Variants in VRK2 observed in about 807,000 individuals in gnomAD.
The protein encoded by VRK2 is serine/threonine-protein kinase VRK2.
Under a neutral mutation model 57.6 loss-of-function variants are expected in VRK2, and 60 were observed. The ratio of observed to expected loss-of-function variants is 1.04; its 90% CI spans 0.85 to 1.29. The LOEUF is 1.29. Ranked by LOEUF, VRK2 falls within the 50% of genes most tolerant of loss-of-function variation. The pLI is 0.00. For synonymous variants in VRK2, 231 were observed against 199.2 expected (o/e 1.16, Z -1.35); for missense variants, 705 against 588.1 (o/e 1.20, Z -2.06).
chr2:58,011,395 C>T (rs60712586), intron 1 of VRK2, among the ~76,000 whole-genome samples: 3,909 of 152,266 alleles, frequency 0.026, 162 homozygotes, highest in African/African-American at 0.089. Context: ...AGTTCTGCCT[C>T]CATTTATGGT....
At chr2:58,012,621 C>T (rs1004812475) in intron 1 of VRK2, among the ~76,000 whole-genome samples, 2 of 152,226 alleles carry the variant, frequency 1.3e-5, no homozygotes, top group South Asian at 4.1e-4. Context: ...GCTTATTCTT[C>T]CCTTGAAACC....
chr2:58,082,440 G>C (rs905768747), intron 2 of VRK2, among the ~76,000 whole-genome samples: 1 of 151,810 alleles, frequency 6.6e-6, no homozygotes, highest in East Asian at 1.9e-4. Flanking sequence ...ATCTACCTCA[G>C]GTAGCAAAGA....
intron 12 of VRK2, among the ~76,000 whole-genome samples, chr2:58,158,751 G>C (rs1186738947): frequency 2.0e-5 from 3 of 152,100 alleles, no homozygotes; most frequent in Non-Finnish European, 4.4e-5. Flanking sequence ...ACTTGCATAA[G>C]TAACCAGTTA....
At chr2:57,994,863 A>G (rs1040620006) in intron 1 of VRK2, among the ~76,000 whole-genome samples, 5 of 152,192 alleles carry the variant, frequency 3.3e-5, no homozygotes, top group African/African-American at 1.2e-4. Flanking sequence ...AACAAAAAAA[A>G]TTAATGAGAA....
chr2:58,051,639 C>G (rs745315353), intron 2 of VRK2, among the ~76,000 whole-genome samples: 1 of 152,210 alleles, frequency 6.6e-6, no homozygotes, highest in Non-Finnish European at 1.5e-5. Context: ...GACACTTGAT[C>G]AGCGTTTACT....
chr2:57,938,239 T>C (rs1194500983), intron 1 of VRK2, among the ~76,000 whole-genome samples: 1 of 152,222 alleles, frequency 6.6e-6, no homozygotes, highest in Non-Finnish European at 1.5e-5. Flanking sequence ...CACTGCCTTC[T>C]CTATAACATA....
intron 1 of VRK2, among the ~76,000 whole-genome samples, chr2:58,017,508 G>A (rs1435611873): frequency 6.6e-6 from 1 of 152,134 alleles, no homozygotes; most frequent in Non-Finnish European, 1.5e-5. Context: ...TTTCTCCGCT[G>A]GGGCCTCTTC....
At position 58,135,052 on chromosome 2, in the gene VRK2, C is replaced by T. The variant is rs915984826; in HGVS notation, c.798-89C>T. ...CATTGAAAGTCACAATTTTGGTGAC[C>T]TACCAACACATAGAGTGTTTTGTTT... On this transcript the variant is annotated intron_variant, in intron 9 of 12. Transcript: ENST00000340157. 3.5e-6 allele frequency: 5 copies of T among 1,419,388 alleles called. No individual in the cohort carries two copies. In the South Asian group the frequency reaches 3.8e-5, roughly 11 times the overall value. The allele number at this position is 1,419,388 out of a possible 1,614,324, so 87.9% of individuals were successfully genotyped here. A position where few individuals can be genotyped will look rare whatever the true frequency, so the allele number is the denominator to read the frequency against.
chr2:57,961,365 G>A (rs1450579978), intron 1 of VRK2, among the ~76,000 whole-genome samples: 2 of 152,130 alleles, frequency 1.3e-5, no homozygotes, highest in Admixed American at 1.3e-4. Context: ...CCACAGGAGA[G>A]CAAGAGAACT....
intron 1 of VRK2, among the ~76,000 whole-genome samples, chr2:57,946,888 C>A (rs1319953795): frequency 6.6e-6 from 1 of 152,030 alleles, no homozygotes; most frequent in African/African-American, 2.4e-5. Context: ...TATAGCCTGG[C>A]TATACTGATC....
rs75608863 is a variant in VRK2, at chr2:58,060,132, C to A, written c.136+11165C>A. 4.1e-4 allele frequency among the ~76,000 whole-genome samples: 62 copies of A among 151,446 alleles called. No individual in the cohort carries two copies. The East Asian group carries it at 8.0e-3, about 19-fold the overall frequency. ...AAAGTAGTAAAACCAACAACAACAA[C>A]AAAAAAATCCCACACAAGACACTTC... On this transcript the variant is annotated intron_variant, in intron 2 of 12. Transcript: ENST00000340157.
intron 7 of VRK2, among the ~76,000 whole-genome samples, chr2:58,102,332 C>G (rs1674086736): frequency 6.6e-6 from 1 of 150,400 alleles, no homozygotes; most frequent in African/African-American, 2.4e-5. Flanking sequence ...AAAAATGAAC[C>G]AACTATATAC....
At chr2:58,002,544 G>C (rs982177261) in intron 1 of VRK2, among the ~76,000 whole-genome samples, 1 of 151,718 alleles carries the variant, frequency 6.6e-6, no homozygotes, top group Non-Finnish European at 1.5e-5. Context: ...TGAGAATGAA[G>C]AAAAATGGAG....
Position 57,957,122 on chromosome 2 carries a change from G to C in VRK2, c.-439+49283G>C, listed in dbSNP as rs910357739. ...GATGGTCTTTAATTCATATCTGCAG[G>C]TTCCAGGCTCACTTTTGATGATAGT... On this transcript the variant is annotated intron_variant, in intron 1 of 15. Coordinates refer to the VRK2 transcript ENST00000417641. Among the ~76,000 whole-genome samples the C allele has an allele frequency of 2.0e-5, 3 of 152,062 alleles. 1 individual carries two copies. The highest frequency in any genetic ancestry group is 1.3e-4 in the Admixed American group (2 of 15,254).
At chr2:58,077,644 T>C (rs1363740673) in intron 2 of VRK2, among the ~76,000 whole-genome samples, 1 of 152,078 alleles carries the variant, frequency 6.6e-6, no homozygotes, top group East Asian at 1.9e-4. Context: ...AGCATAGTAA[T>C]TTTCTGGGAG....
chr2:57,923,592 A>G (rs1273315296), intron 1 of VRK2, among the ~76,000 whole-genome samples: 1 of 151,596 alleles, frequency 6.6e-6, no homozygotes, highest in African/African-American at 2.4e-5. Flanking sequence ...GATTTTTTCC[A>G]TAAAGTTGTT....
chr2:58,083,940 ATGAT>A, intron 2 of VRK2, 145 bp from the exon 3 acceptor site: 1 of 718,918 alleles, frequency 1.4e-6, no homozygotes, highest in African/African-American at 1.8e-5. Flanking sequence ...TAAAATGGAG[ATGAT>A]TGATTCCTAC....
intron 1 of VRK2, among the ~76,000 whole-genome samples, chr2:58,002,387 A>G (rs1039305258): frequency 6.6e-6 from 1 of 152,140 alleles, no homozygotes; most frequent in African/African-American, 2.4e-5. Context: ...CTGAGGCAGA[A>G]TTGCTTGAAC....
chr2:58,084,291 G>C (rs1245662941), intron 3 of VRK2, among the ~76,000 whole-genome samples, 153 bp downstream of exon 3: 2 of 151,748 alleles, frequency 1.3e-5, no homozygotes, highest in African/African-American at 4.8e-5. Flanking sequence ...ATTAAAACTG[G>C]AGAACCTTTG....
Sources: gnomAD v4.1 joint callset for allele counts (sites outside exome capture counted in the v4.1 genomes callset) on GRCh38, gnomAD v4.1.1 for gene constraint, MANE v1.5 for transcripts, NCBI Gene and HGNC (gene_info 2026-07-23, HGNC 2026-07-21) for gene names.